CCDC148: variants seen among roughly 807,000 people sequenced by gnomAD.
The protein encoded by CCDC148 is coiled-coil domain-containing protein 148.
CCDC148 carries 89 observed loss-of-function variants against 85.7 expected under a neutral mutation model. That is an observed-to-expected ratio of 1.04 (90% CI 0.87 to 1.24). CCDC148 has a LOEUF of 1.24. CCDC148 is among the 50% of genes most tolerant of loss of function. CCDC148 has a pLI of 0.00. For synonymous variants in CCDC148, 230 were observed against 213.9 expected, an observed-to-expected ratio of 1.08 and a Z score of -0.66; for missense variants, 692 against 671.7, an observed-to-expected ratio of 1.03 and a Z score of -0.33.
intron 10 of CCDC148, among the ~76,000 whole-genome samples, chr2:158,249,012 T>C (rs1445507988): frequency 2.0e-5 from 3 of 152,262 alleles, no homozygotes; most frequent in Non-Finnish European, 4.4e-5. Context: ...TTTCTCTCAC[T>C]TCCAGAAATC....
chr2:158,388,545 A>AGT (rs1685181842), intron 1 of CCDC148, among the ~76,000 whole-genome samples: 1 of 152,014 alleles, frequency 6.6e-6, no homozygotes, highest in Non-Finnish European at 1.5e-5. Context: ...CCCAGGCTGG[A>AGT]GTGCAATGGT....
At chr2:158,233,723 A>G (rs13429339) in intron 10 of CCDC148, among the ~76,000 whole-genome samples, 75,545 of 151,536 alleles carry the variant, frequency 0.5, 19,214 homozygotes, top group Middle Eastern at 0.56. Flanking sequence ...GACCTGGTAC[A>G]TCTCTAGGTC....
At chr2:158,406,613 C>CTTTTTTTTTTTTT (rs61612452) in intron 1 of CCDC148, among the ~76,000 whole-genome samples, 11 of 31,460 alleles carry the variant, frequency 3.5e-4, no homozygotes, top group African/African-American at 3.9e-4. Flanking sequence ...GATTAAATTT[C>CTTTTTTTTTTTTT]TTTTTTTTTT....
intron 11 of CCDC148, among the ~76,000 whole-genome samples, chr2:158,179,304 A>G (rs1008821055): frequency 2.0e-5 from 3 of 148,966 alleles, no homozygotes; most frequent in East Asian, 2.0e-4. Context: ...GATTACAGGT[A>G]CCCGCCACCA....
chr2:158,419,531 CT>C (rs754046236), intron 1 of CCDC148, among the ~76,000 whole-genome samples: 3 of 152,098 alleles, frequency 2.0e-5, no homozygotes, highest in Non-Finnish European at 2.9e-5. Context: ...GAACAATTTG[CT>C]TAATTTCTCT....
At chr2:158,346,740 G>T (rs979692090) in intron 2 of CCDC148, among the ~76,000 whole-genome samples, 1 of 152,070 alleles carries the variant, frequency 6.6e-6, no homozygotes, top group Non-Finnish European at 1.5e-5. Flanking sequence ...TACCCTAAAA[G>T]CTTTAAAAGA....
intron 11 of CCDC148, among the ~76,000 whole-genome samples, chr2:158,179,368 A>G (rs974251061): frequency 1.1e-4 from 17 of 152,080 alleles, no homozygotes; most frequent in African/African-American, 4.1e-4. Context: ...CATGTTGGCC[A>G]GGATGGTCTC....
In CCDC148 at chr2:158,360,932, A is replaced by G. The variant is rs142342374; in HGVS notation, c.26-2362T>C. Among the ~76,000 whole-genome samples, 658 of 152,028 alleles carry G rather than the reference A, an allele frequency of 4.3e-3. 1 individual carries two copies. The highest frequency in any genetic ancestry group is 0.017 in the Middle Eastern group (5 of 292). The stretch of plus-strand genomic sequence containing the variant: ...CAAGGAAGCTAAGAACCTTGAAAAA[A>G]CTTAGTTGAACTGCTAACTAGAATA... On this transcript the variant is annotated intron_variant, in intron 1 of 13. Coordinates refer to ENST00000283233, the MANE Select transcript of CCDC148 (RefSeq NM_138803.4).
At chr2:158,190,375 A>G (rs1685364279) in intron 11 of CCDC148, among the ~76,000 whole-genome samples, 1 of 152,020 alleles carries the variant, frequency 6.6e-6, no homozygotes, top group African/African-American at 2.4e-5. Context: ...TATTCAGCAC[A>G]TTTATACAAA....
intron 1 of CCDC148, among the ~76,000 whole-genome samples, chr2:158,444,056 T>C (rs1574832232): frequency 6.6e-6 from 1 of 152,238 alleles, no homozygotes; most frequent in Non-Finnish European, 1.5e-5. Context: ...TTTAGAGTAA[T>C]AGTCAGATAA....
chr2:158,332,103 G>C (rs528896180), intron 7 of CCDC148, among the ~76,000 whole-genome samples: 1 of 152,054 alleles, frequency 6.6e-6, no homozygotes, highest in Non-Finnish European at 1.5e-5. Flanking sequence ...TCCTAGCCTT[G>C]ATGGTCTTTA....
At chr2:158,230,015 A>G (rs946290976) in intron 10 of CCDC148, among the ~76,000 whole-genome samples, 2 of 152,136 alleles carry the variant, frequency 1.3e-5, no homozygotes, top group Admixed American at 1.3e-4. Flanking sequence ...AGTGAGTTCC[A>G]CAGGATCGGA....
At chr2:158,212,889 TTA>T (rs1334859556) in intron 11 of CCDC148, among the ~76,000 whole-genome samples, 6 of 152,108 alleles carry the variant, frequency 3.9e-5, no homozygotes, top group Admixed American at 1.3e-4. Flanking sequence ...AAAAGAGAAA[TTA>T]TGGGCATTTC....
chr2:158,200,912 C>G (rs1429676091), intron 11 of CCDC148, among the ~76,000 whole-genome samples: 1 of 152,114 alleles, frequency 6.6e-6, no homozygotes, highest in African/African-American at 2.4e-5. Flanking sequence ...TTTTCTAAAT[C>G]TATCATTTCT....
chr2:158,225,051 C>T (rs190151539), intron 10 of CCDC148, among the ~76,000 whole-genome samples: 5 of 152,172 alleles, frequency 3.3e-5, no homozygotes, highest in Admixed American at 6.5e-5. Context: ...GCTGTATTCA[C>T]GAAACCCATC....
At chr2:158,412,469 G>C (rs1403687335) in intron 1 of CCDC148, among the ~76,000 whole-genome samples, 1 of 152,062 alleles carries the variant, frequency 6.6e-6, no homozygotes, top group Non-Finnish European at 1.5e-5. Context: ...GAATAACTCA[G>C]AGTGCTTGTA....
intron 11 of CCDC148, among the ~76,000 whole-genome samples, chr2:158,199,536 C>T (rs768141945): frequency 8.5e-5 from 13 of 152,322 alleles, no homozygotes; most frequent in African/African-American, 1.9e-4. Context: ...TGAGCCACCA[C>T]GTCCGGCCTT....
In CCDC148 at chr2:158,197,954, A is replaced by T. The variant is rs569430263; in HGVS notation, c.1371-18958T>A. 7.9e-5 allele frequency among the ~76,000 whole-genome samples: 12 copies of T among 152,244 alleles called. No homozygotes were observed. In the East Asian group the frequency reaches 2.3e-3, roughly 29 times the overall value. On this transcript the variant is annotated intron_variant, in intron 11 of 13. Transcript: ENST00000283233. ...TTAATCAATTAATTCAAAAAGTCAG[A>T]ATTAACCCTATTCAAGCTCTACAAT...
intron 2 of CCDC148, among the ~76,000 whole-genome samples, chr2:158,346,526 C>T (rs1683002690): frequency 6.6e-6 from 1 of 152,112 alleles, no homozygotes; most frequent in Non-Finnish European, 1.5e-5. Context: ...AGTGCTATCA[C>T]CTGCATAAAC....
Sources: gnomAD v4.1 joint callset for allele counts (sites outside exome capture counted in the v4.1 genomes callset) on GRCh38, gnomAD v4.1.1 for gene constraint, MANE v1.5 for transcripts, NCBI Gene and HGNC (gene_info 2026-07-23, HGNC 2026-07-21) for gene names.